Variants in CDH18 observed in about 807,000 individuals in gnomAD.
The protein encoded by CDH18 is cadherin 18.
In CDH18, 31 loss-of-function variants were observed where a neutral mutation model predicts 67.9. The ratio of observed to expected loss-of-function variants is 0.46; its 90% confidence interval spans 0.34 to 0.62. The LOEUF (loss-of-function observed/expected upper bound fraction) is 0.62, where lower values mean the gene tolerates loss of function less well. Among genes scored for constraint, CDH18 ranks in the 20% least tolerant of loss-of-function variants. The pLI, the probability that CDH18 is intolerant of heterozygous loss-of-function variation, is 0.01. For synonymous variants in CDH18, 362 were observed against 347.2 expected, an observed-to-expected ratio of 1.04 and a Z score of -0.48; for missense variants, 890 against 975.5, an observed-to-expected ratio of 0.91 and a Z score of 1.17.
rs1463824886 is a variant in CDH18 at position 19,855,415 on chromosome 5, AT to A, written c.-256-16174del. 6.6e-5 allele frequency among the ~76,000 whole-genome samples: 10 copies of A among 152,106 alleles called. No homozygotes were observed. The East Asian group carries it at 1.9e-3, about 29-fold the overall frequency. The stretch of plus-strand genomic sequence containing the variant: ...ATATGATAAATTTATAGTATCTTTG[AT>A]TTGGGGGTGGATGAAAATCAGGGAG... On this transcript the variant is annotated intron_variant, in intron 2 of 12. Coordinates refer to ENST00000382275, the MANE Select transcript of CDH18 (RefSeq NM_004934.5).
chr5:19,696,727 A>G (rs1218463400), intron 5 of CDH18, among the ~76,000 whole-genome samples: 1 of 152,100 alleles, frequency 6.6e-6, no homozygotes, highest in African/African-American at 2.4e-5. Context: ...TGTTTTGAAT[A>G]TGATTTATCA....
chr5:19,804,397 A>C (rs1191118011), intron 3 of CDH18, among the ~76,000 whole-genome samples: 1 of 152,186 alleles, frequency 6.6e-6, no homozygotes, highest in Non-Finnish European at 1.5e-5. Context: ...TACCTAGGTA[A>C]TCCTTTCTAT....
At chr5:19,930,586 G>C (rs1488287229) in intron 2 of CDH18, among the ~76,000 whole-genome samples, 1 of 151,968 alleles carries the variant, frequency 6.6e-6, no homozygotes, top group East Asian at 1.9e-4. Flanking sequence ...CCATGGGAGA[G>C]GCTCCGCAAA....
chr5:19,720,058 A>G (rs1026062817), intron 5 of CDH18, among the ~76,000 whole-genome samples: 2 of 152,112 alleles, frequency 1.3e-5, no homozygotes, highest in East Asian at 1.9e-4. Flanking sequence ...ACCCAATCAA[A>G]TCCTCTTGTA....
At chr5:20,534,864 C>T (rs1473100731) in intron 1 of CDH18, among the ~76,000 whole-genome samples, 1 of 117,424 alleles carries the variant, frequency 8.5e-6, no homozygotes, top group African/African-American at 4.6e-5. Context: ...TATTTAGAGT[C>T]AGGGTCTTGC....
intron 2 of CDH18, among the ~76,000 whole-genome samples, chr5:19,972,722 A>G (rs563207361): frequency 2.6e-5 from 4 of 152,132 alleles, no homozygotes; most frequent in Non-Finnish European, 4.4e-5. Context: ...GTCTTTATCT[A>G]TTAAAGCTGA....
chr5:19,985,348 T>G (rs956510205), intron 1 of CDH18, among the ~76,000 whole-genome samples: 1 of 152,042 alleles, frequency 6.6e-6, no homozygotes, highest in Non-Finnish European at 1.5e-5. Context: ...TATACATCCT[T>G]TGGTTTGGCT....
intron 2 of CDH18, among the ~76,000 whole-genome samples, chr5:20,223,568 CAGA>C (rs1741392208): frequency 6.6e-6 from 1 of 151,952 alleles, no homozygotes; most frequent in African/African-American, 2.4e-5. Flanking sequence ...CGCCAGGGGG[CAGA>C]ATTATATGGT....
intron 2 of CDH18, among the ~76,000 whole-genome samples, chr5:20,131,527 T>A (rs1749264902): frequency 6.6e-6 from 1 of 152,056 alleles, no homozygotes; most frequent in Non-Finnish European, 1.5e-5. Flanking sequence ...GCAAAACAAA[T>A]TGCAGGTAAT....
intron 3 of CDH18, among the ~76,000 whole-genome samples, chr5:19,781,363 A>C (rs2149782691): frequency 6.6e-6 from 1 of 152,270 alleles, no homozygotes; most frequent in South Asian, 2.1e-4. Flanking sequence ...AAGTACAAAA[A>C]AAAATGTACC....
intron 4 of CDH18, among the ~76,000 whole-genome samples, chr5:19,723,801 C>A (rs918584438): frequency 2.6e-5 from 4 of 152,100 alleles, no homozygotes; most frequent in Admixed American, 6.5e-5. Context: ...GCAACCTCCA[C>A]CTCCCGAGTT....
At chr5:20,351,808 G>A (rs1032228979) in intron 1 of CDH18, among the ~76,000 whole-genome samples, 4 of 152,080 alleles carry the variant, frequency 2.6e-5, no homozygotes, top group Non-Finnish European at 5.9e-5. Flanking sequence ...CCTGTTGGTG[G>A]GGTAAGATCT....
At chr5:20,435,577 T>C (rs746748050) in intron 1 of CDH18, among the ~76,000 whole-genome samples, 8 of 151,920 alleles carry the variant, frequency 5.3e-5, no homozygotes, top group Non-Finnish European at 8.8e-5. Flanking sequence ...TTAAAACCAC[T>C]GTCTGGAATA....
intron 2 of CDH18, among the ~76,000 whole-genome samples, chr5:19,844,877 TA>T: frequency 6.6e-6 from 1 of 152,332 alleles, no homozygotes; most frequent in Middle Eastern, 3.4e-3. Context: ...ACCTGATTTG[TA>T]AACACCCTCA....
At chr5:20,424,881 G>A (rs1748170551) in intron 1 of CDH18, among the ~76,000 whole-genome samples, 1 of 149,916 alleles carries the variant, frequency 6.7e-6, no homozygotes, top group Non-Finnish European at 1.5e-5. Context: ...AGAATGCAGT[G>A]AGCACATTCA....
intron 3 of CDH18, among the ~76,000 whole-genome samples, chr5:19,780,321 C>G (rs967551707): frequency 6.6e-6 from 1 of 152,100 alleles, no homozygotes; most frequent in Non-Finnish European, 1.5e-5. Flanking sequence ...CGATAAGAGA[C>G]AGAAAAGAGT....
intron 2 of CDH18, among the ~76,000 whole-genome samples, chr5:19,937,912 C>A (rs1226824512): frequency 1.3e-5 from 2 of 149,392 alleles, no homozygotes; most frequent in East Asian, 2.0e-4. Context: ...TTCACAAAGA[C>A]AAGAATCACA....
chr5:19,755,514 T>C (rs12516603), intron 3 of CDH18, among the ~76,000 whole-genome samples: 2 of 113,754 alleles, frequency 1.8e-5, no homozygotes, highest in Non-Finnish European at 3.9e-5. Context: ...CACACACATA[T>C]ATATATATGC....
At chr5:20,274,860 T>C (rs888942413) in intron 1 of CDH18, among the ~76,000 whole-genome samples, 1 of 151,958 alleles carries the variant, frequency 6.6e-6, no homozygotes, top group African/African-American at 2.4e-5. Flanking sequence ...AAATGATGGG[T>C]GAAAATTTAA....
Sources: gnomAD v4.1 joint callset for allele counts (sites outside exome capture counted in the v4.1 genomes callset) on GRCh38, gnomAD v4.1.1 for gene constraint, MANE v1.5 for transcripts, NCBI Gene and HGNC (gene_info 2026-07-23, HGNC 2026-07-21) for gene names.